TMEM9B: variants seen among roughly 807,000 people sequenced by gnomAD.
TMEM9B encodes the protein TMEM9 domain family member B.
A neutral mutation model predicts 23.5 loss-of-function variants in TMEM9B; 8 were observed. The observed-to-expected ratio is 0.34, with a 90% CI of 0.20 to 0.61. The LOEUF (loss-of-function observed/expected upper bound fraction) is 0.61. Among genes scored for constraint, TMEM9B ranks in the 20% least tolerant of loss-of-function variants. The probability of loss-of-function intolerance (pLI) is 0.78; values close to 1 mark genes in which losing one functional copy is unlikely to be tolerated. For synonymous variants in TMEM9B, 106 were observed against 96.3 expected (o/e 1.10, Z -0.59); for missense variants, 197 against 252.3 (o/e 0.78, Z 1.49).
intron 1 of TMEM9B, among the ~76,000 whole-genome samples, chr11:8,962,385 A>T (rs926062474): frequency 5.9e-5 from 9 of 152,332 alleles, no homozygotes; most frequent in Admixed American, 1.3e-4. Context: ...TATTACATGT[A>T]GTTATTTTGA....
intron 3 of TMEM9B, among the ~76,000 whole-genome samples, chr11:8,954,229 G>A (rs4929922): frequency 0.32 from 48,197 of 151,974 alleles, 9,090 homozygotes; most frequent in Non-Finnish European, 0.41. Flanking sequence ...TGACCGAGTA[G>A]GGCTGGAAAT....
intron 4 of TMEM9B, among the ~76,000 whole-genome samples, chr11:8,951,503 G>C (rs1455306555): frequency 6.6e-6 from 1 of 152,078 alleles, no homozygotes; most frequent in African/African-American, 2.4e-5. Context: ...TGTAATCCCA[G>C]CACTTTGGGA....
In TMEM9B at chr11:8,960,564, G is replaced by C. The variant is rs142886344; in HGVS notation, c.197+1528C>G. Among the ~76,000 whole-genome samples the C allele has an allele frequency of 2.7e-3, 407 of 152,276 alleles. 2 individuals carry two copies. Among genetic ancestry groups the C allele is most frequent in the African/African-American group, 9.5e-3 (395 of 41,546 alleles). ...GATTAGTGCTAACCACTTGAATAGT[G>C]AGTTCATTTGCTACTCAAAAGACAG... On this transcript the variant is annotated intron_variant, in intron 2 of 4. Coordinates refer to ENST00000534025, the MANE Select transcript of TMEM9B (RefSeq NM_020644.3).
At chr11:8,964,522 C>G (rs1035818229), upstream of TMEM9B, 32 of 1,378,568 alleles carry the variant, frequency 2.3e-5, no homozygotes, top group Non-Finnish European at 3.0e-5. Flanking sequence ...TGCGAAGGGC[C>G]GGGAGGCTGG....
chr11:8,963,557 C>T (rs962302756), intron 1 of TMEM9B, among the ~76,000 whole-genome samples: 1 of 152,184 alleles, frequency 6.6e-6, no homozygotes. Context: ...TTGGTTCTTC[C>T]CTTACCCACT....
rs765376945 is a variant in TMEM9B at position 8,964,303 on chromosome 11, A to G, written c.11T>C (p.Leu4Pro). The G allele has an allele frequency of 6.3e-7, 1 of 1,580,136 alleles. No homozygotes were observed. Among genetic ancestry groups the G allele is most frequent in the Admixed American group, 1.8e-5 (1 of 55,288 alleles). ...GCCAAGCCGAAGAAGGCCTCCCCAC[A>G]GGGTCGCCATCGCTGGGGGCCCAGC... The part of the protein sequence containing the change: MAT[L>P]WGGLLRLGSL... Residue 4 changes from leucine to proline, a missense_variant, in exon 1 of 5, where the codon CTG (leucine) becomes CCG (proline). Physicochemically the swap from Leu to Pro is moderately conservative, Grantham distance 98. Transcript: ENST00000534025.
intron 2 of TMEM9B, among the ~76,000 whole-genome samples, chr11:8,961,371 A>G (rs879806600): frequency 1.3e-5 from 2 of 152,202 alleles, no homozygotes; most frequent in Non-Finnish European, 2.9e-5. Flanking sequence ...GTGGTTACAA[A>G]CCATAAAACA....
Position 8,962,178 on chromosome 11 carries a change from G to C in TMEM9B, c.111C>G (p.Phe37Leu). ...LAQLSDAAKN[F>L]EDVRCKCICP... ...AGATACATTTACATCTGACATCCTC[G>C]AAATTCTGTAACCAAAATGGAAACA... Residue 37 changes from phenylalanine to leucine, a missense_variant, in exon 2 of 5, where the codon TTC (phenylalanine) becomes TTG (leucine). Coordinates refer to ENST00000534025, the MANE Select transcript of TMEM9B (RefSeq NM_020644.3). 3.1e-6 allele frequency: 5 copies of C among 1,597,088 alleles called. No homozygotes were observed. Among genetic ancestry groups the C allele is most frequent in the Non-Finnish European group, 4.3e-6 (5 of 1,173,406 alleles).
chr11:8,964,669 T>C (rs943392500), upstream of TMEM9B: 17 of 260,568 alleles, frequency 6.5e-5, no homozygotes, highest in Non-Finnish European at 8.5e-5. Context: ...GCTTAGGGAG[T>C]CGCCATTGCG....
At position 8,948,268 on chromosome 11, in the gene TMEM9B, C is replaced by G; in HGVS notation, c.*52G>C. On this transcript the variant is annotated 3_prime_UTR_variant, in exon 5 of 5. Coordinates refer to ENST00000534025, the MANE Select transcript of TMEM9B (RefSeq NM_020644.3). ...GAAACCCAGCAAAACCCAGTCAGTT[C>G]TTTCCAGTTGTCTGCCTGTTTCTTT... The G allele has an allele frequency of 6.3e-7, 1 of 1,578,852 alleles. No individual in the cohort carries two copies. The highest frequency in any genetic ancestry group is 1.8e-5 in the Admixed American group (1 of 55,642).
chr11:8,948,556 C>T (rs1435006579), intron 4 of TMEM9B, 81 bp from the exon 5 acceptor site: 1 of 1,497,420 alleles, frequency 6.7e-7, no homozygotes, highest in East Asian at 2.3e-5. Context: ...CAGCCCGCCA[C>T]AGAAATAGGG....
chr11:8,952,249 T>TACACACAC (rs142506777), intron 4 of TMEM9B, among the ~76,000 whole-genome samples: 11,603 of 122,552 alleles, frequency 0.095, 542 homozygotes, highest in Middle Eastern at 0.17. Flanking sequence ...GCCAACTATA[T>TACACACAC]ACACACACAC....
At chr11:8,949,859 A>T (rs1589943192) in intron 4 of TMEM9B, among the ~76,000 whole-genome samples, 1 of 151,014 alleles carries the variant, frequency 6.6e-6, no homozygotes, top group Non-Finnish European at 1.5e-5. Flanking sequence ...ATGGGGTCTC[A>T]CTATATTGCC....
chr11:8,958,807 G>C (rs1044529097), intron 2 of TMEM9B, among the ~76,000 whole-genome samples: 1 of 152,030 alleles, frequency 6.6e-6, no homozygotes, highest in Non-Finnish European at 1.5e-5. Flanking sequence ...CCAACTTCAG[G>C]TGATGTGCCT....
chr11:8,952,919 A>G, intron 4 of TMEM9B: 1 of 565,512 alleles, frequency 1.8e-6, no homozygotes, highest in South Asian at 2.5e-5. Context: ...TACTTTTCTC[A>G]ATGTAAACAG....
chr11:8,959,571 CTAAG>C (rs1233001791), intron 2 of TMEM9B, among the ~76,000 whole-genome samples: 1 of 152,174 alleles, frequency 6.6e-6, no homozygotes, highest in Non-Finnish European at 1.5e-5. Flanking sequence ...ATTTTAAGTG[CTAAG>C]TAAGTATTGA....
In TMEM9B at chr11:8,947,786, A is replaced by C. The variant is rs1449025265; in HGVS notation, c.*534T>G. On this transcript the variant is annotated 3_prime_UTR_variant, in exon 5 of 5. Transcript: ENST00000534025. ...ATACAGTCAGTGCAAAAGTCAAATG[A>C]GTAAGTCAGCTCTTTGATGAGGCTG... The C allele has an allele frequency of 6.5e-6, 1 of 153,474 alleles. No homozygotes were observed. The allele number at this position is 153,474 out of a possible 1,614,324, so 9.5% of individuals were successfully genotyped here. A position where few individuals can be genotyped will look rare whatever the true frequency, so the allele number is the denominator to read the frequency against.
Position 8,948,608 on chromosome 11 carries a change from G to T in TMEM9B, c.442-133C>A, listed in dbSNP as rs1236003547. 4 of 995,060 alleles carry T rather than the reference G, an allele frequency of 4.0e-6. No homozygotes were observed. In the Admixed American group the frequency reaches 8.7e-5, roughly 22 times the overall value. 61.6% of individuals were successfully genotyped at this position (995,060 alleles called of 1,614,324 possible). ...AACAACAGAGCATCTATTTAGCTAA[G>T]CACTCCTAAGCGCTCAACTACCAGA... On this transcript the variant is annotated intron_variant, in intron 4 of 4. Coordinates refer to ENST00000534025, the MANE Select transcript of TMEM9B (RefSeq NM_020644.3).
chr11:8,950,881 T>C (rs751556940), intron 4 of TMEM9B, among the ~76,000 whole-genome samples: 2 of 152,218 alleles, frequency 1.3e-5, no homozygotes, highest in Non-Finnish European at 2.9e-5. Flanking sequence ...TTTTAAAGTA[T>C]ATAAATAGTG....
Sources: allele counts gnomAD v4.1 joint callset (sites outside exome capture counted in the v4.1 genomes callset), GRCh38; gene constraint gnomAD v4.1.1; transcripts MANE v1.5; gene names NCBI Gene and HGNC (gene_info 2026-07-23, HGNC 2026-07-21).